The following KLHL20 variants were observed in gnomAD, a reference collection of about 807,000 sequenced individuals.
KLHL20 encodes the protein kelch-like protein 20.
KLHL20 carries 29 observed loss-of-function variants against 69.5 expected under a neutral mutation model. The ratio of observed to expected loss-of-function variants is 0.42; its 90% confidence interval spans 0.31 to 0.57. KLHL20 has a LOEUF of 0.57. KLHL20 is among the 20% of genes least tolerant of loss of function. The probability of loss-of-function intolerance (pLI) is 0.18; values close to 1 mark genes in which losing one functional copy is unlikely to be tolerated. For synonymous variants in KLHL20, 253 were observed against 265.2 expected (o/e 0.95, Z 0.45); for missense variants, 419 against 776.0 (o/e 0.54, Z 5.47).
intron 3 of KLHL20, among the ~76,000 whole-genome samples, chr1:173,743,821 C>G (rs1270476862): frequency 6.6e-6 from 1 of 152,018 alleles, no homozygotes; most frequent in Non-Finnish European, 1.5e-5. Context: ...GGAATTCATT[C>G]CATATTAGTT....
At chr1:173,741,825 C>T (rs1415954099) in intron 3 of KLHL20, 1 of 1,585,054 alleles carries the variant, frequency 6.3e-7, no homozygotes, top group Non-Finnish European at 8.5e-7. Context: ...TAGCCATGCA[C>T]AAACTGTAGT....
At chr1:173,739,861 G>A (rs968399731) in intron 3 of KLHL20, among the ~76,000 whole-genome samples, 2 of 150,852 alleles carry the variant, frequency 1.3e-5, no homozygotes, top group African/African-American at 2.4e-5. Flanking sequence ...GGCTAGTCTC[G>A]AACTCCTGAC....
chr1:173,756,885 C>A, intron 6 of KLHL20, 91 bp from the exon 7 acceptor site: 1 of 1,239,882 alleles, frequency 8.1e-7, no homozygotes, highest in Non-Finnish European at 1.1e-6. Context: ...TTTGGTGAGT[C>A]TAAGCATTAG....
Position 173,785,466 on chromosome 1 carries a change from G to T in KLHL20, c.*219G>T. ...TTATTTTTGGTTTTAATTTATCATG[G>T]TTTTTTGTTGTTTTCGTTTTGAACT... is the stretch of plus-strand genomic sequence containing the variant. On this transcript the variant is annotated 3_prime_UTR_variant, in exon 12 of 12. Coordinates refer to ENST00000209884, the MANE Select transcript of KLHL20 (RefSeq NM_014458.4). The T allele has an allele frequency of 3.7e-6, 1 of 270,914 alleles. No individual in the cohort carries two copies. The highest frequency in any genetic ancestry group is 6.6e-5 in the East Asian group (1 of 15,054). The allele number at this position is 270,914 out of a possible 1,614,324, so 16.8% of individuals were successfully genotyped here.
At chr1:173,782,357 C>A (rs897273849) in intron 11 of KLHL20, 127 bp downstream of exon 11, 3 of 587,288 alleles carry the variant, frequency 5.1e-6, no homozygotes, top group Non-Finnish European at 8.9e-6. Context: ...GCTGAAGTTA[C>A]ACATATTTAT....
At chr1:173,761,751 A>T (rs761561721) in intron 7 of KLHL20, among the ~76,000 whole-genome samples, 4 of 152,210 alleles carry the variant, frequency 2.6e-5, no homozygotes, top group African/African-American at 9.6e-5. Context: ...TGCTAAGAGG[A>T]AAGTTCATAG....
intron 3 of KLHL20, among the ~76,000 whole-genome samples, chr1:173,736,015 C>T (rs568792031): frequency 1.4e-5 from 2 of 146,574 alleles, no homozygotes; most frequent in South Asian, 2.2e-4. Flanking sequence ...GGCTCAATCT[C>T]AGCTCACTGC....
chr1:173,729,025 A>G (rs1406426399), intron 2 of KLHL20, among the ~76,000 whole-genome samples: 5 of 152,226 alleles, frequency 3.3e-5, no homozygotes, highest in African/African-American at 4.8e-5. Context: ...TAGACGCAAT[A>G]AAAAATGATA....
At chr1:173,758,457 A>G (rs758090372) in intron 7 of KLHL20, among the ~76,000 whole-genome samples, 1 of 152,168 alleles carries the variant, frequency 6.6e-6, no homozygotes, top group Non-Finnish European at 1.5e-5. Flanking sequence ...ACTGACTGCA[A>G]GAAAAAATCA....
At chr1:173,755,634 T>G (rs1442778523) in intron 5 of KLHL20, among the ~76,000 whole-genome samples, 1 of 152,206 alleles carries the variant, frequency 6.6e-6, no homozygotes, top group Non-Finnish European at 1.5e-5. Context: ...GTAATCAAAT[T>G]GTAATTTTTA....
chr1:173,765,536 C>T (rs768602236), intron 7 of KLHL20, among the ~76,000 whole-genome samples: 46 of 152,066 alleles, frequency 3.0e-4, no homozygotes, highest in Non-Finnish European at 5.7e-4. Context: ...CTGTTTGCTA[C>T]AGTAATTCTA....
At chr1:173,760,249 G>A (rs1301385295) in intron 7 of KLHL20, among the ~76,000 whole-genome samples, 13 of 152,134 alleles carry the variant, frequency 8.5e-5, no homozygotes, top group South Asian at 4.1e-4. Context: ...GAGAATAATC[G>A]GTATATCCGA....
At chr1:173,776,974 G>C (rs1442783190) in intron 10 of KLHL20, among the ~76,000 whole-genome samples, 2 of 152,042 alleles carry the variant, frequency 1.3e-5, no homozygotes, top group Non-Finnish European at 2.9e-5. Context: ...TGGTATTTTG[G>C]TAGGGATTGC....
chr1:173,753,125 A>T (rs1673385859), intron 4 of KLHL20, 88 bp from the exon 5 acceptor site: 1 of 1,054,004 alleles, frequency 9.5e-7, no homozygotes, highest in Non-Finnish European at 1.4e-6. Flanking sequence ...GTGACCTACG[A>T]TCATGCCACT....
At chr1:173,718,754 T>G (rs1358648636) in intron 2 of KLHL20, among the ~76,000 whole-genome samples, 1 of 152,048 alleles carries the variant, frequency 6.6e-6, no homozygotes, top group African/African-American at 2.4e-5. Context: ...GAAAATGCAT[T>G]TGAAAGGACA....
chr1:173,775,490 AG>A (rs1648397900), intron 9 of KLHL20, 143 bp from the exon 10 acceptor site: 1 of 679,896 alleles, frequency 1.5e-6, no homozygotes, highest in Non-Finnish European at 2.6e-6. Flanking sequence ...TATTGTCCAG[AG>A]GTATACAAAT....
Position 173,733,776 on chromosome 1 carries a change from C to T in KLHL20, c.87C>T (p.Asp29=). ...MDVTSRCTLG[D]PNKLPEGVPQ... Reference sequence around the variant, plus strand: ...TAACAAGCCGCTGCACCCTTGGAGACCCCAACAAACTGCCAGAAGGGGTTC... The same window carrying T: ...TAACAAGCCGCTGCACCCTTGGAGATCCCAACAAACTGCCAGAAGGGGTTC... The change falls in exon 3 of 12, where the codon GAC becomes GAT. Residue 29 remains aspartate (D), a synonymous_variant. Transcript: ENST00000209884. The T allele has an allele frequency of 1.2e-6, 2 of 1,614,092 alleles. No individual in the cohort carries two copies. Among genetic ancestry groups the T allele is most frequent in the Non-Finnish European group, 8.5e-7 (1 of 1,180,012 alleles).
At chr1:173,777,684 C>T (rs1230529237) in intron 10 of KLHL20, among the ~76,000 whole-genome samples, 1 of 152,102 alleles carries the variant, frequency 6.6e-6, no homozygotes, top group Non-Finnish European at 1.5e-5. Flanking sequence ...GGTTTTTGTC[C>T]TTCATTCTGT....
intron 3 of KLHL20, among the ~76,000 whole-genome samples, chr1:173,751,455 A>G (rs541531682): frequency 1.8e-4 from 28 of 152,146 alleles, no homozygotes; most frequent in Non-Finnish European, 3.2e-4. Context: ...TATATGCCTT[A>G]TATATCTGGA....
Sources: allele counts gnomAD v4.1 joint callset (sites outside exome capture counted in the v4.1 genomes callset), GRCh38; gene constraint gnomAD v4.1.1; transcripts MANE v1.5; gene names NCBI Gene and HGNC (gene_info 2026-07-23, HGNC 2026-07-21).